The following ADGRD2 variants were observed in gnomAD, a reference collection of about 807,000 sequenced individuals.
ADGRD2 encodes adhesion G protein-coupled receptor D2.
Under a neutral mutation model 44.4 loss-of-function variants are expected in ADGRD2, and 71 were observed. That is an observed-to-expected ratio of 1.60 (90% CI 1.32 to 1.95). The LOEUF (loss-of-function observed/expected upper bound fraction) is 1.95. Ranked by LOEUF, ADGRD2 falls within the 30% of genes most tolerant of loss-of-function variation. The pLI is 0.00. For missense variants in ADGRD2, 1,039 were observed against 512.4 expected (o/e 2.03, Z -9.92); for synonymous variants, 481 against 224.8 (o/e 2.14, Z -10.19).
chr9:124,452,102 C>T (rs1831486230), exon 1 of ADGRD2: 1 of 704,790 alleles, frequency 1.4e-6, no homozygotes, highest in Non-Finnish European at 2.7e-6. Context: ...TCAGGAGTCT[C>T]TCTGGGACCC....
At chr9:124,475,741 G>A in intron 19 of ADGRD2, 126 bp downstream of exon 22, 1 of 553,388 alleles carries the variant, frequency 1.8e-6, no homozygotes, top group Non-Finnish European at 3.2e-6. Flanking sequence ...GAGGCCCCCA[G>A]GCCCCTGGGA....
At chr9:124,461,953 G>T (rs561143495) in intron 10 of ADGRD2, among the ~76,000 whole-genome samples, 1 of 152,140 alleles carries the variant, frequency 6.6e-6, no homozygotes, top group South Asian at 2.1e-4. Context: ...CACCATGTTG[G>T]CCAGGCTGGT....
chr9:124,475,378 G>A (rs942885255), intron 17 of ADGRD2, 68 bp from the exon 21 acceptor site: 2 of 677,506 alleles, frequency 3.0e-6, no homozygotes, highest in African/African-American at 1.8e-5. Flanking sequence ...GGGACCCCAG[G>A]CAAGGCCAGG....
intron 21 of ADGRD2, 97 bp downstream of exon 24, chr9:124,476,806 C>T (rs1302683288): frequency 1.5e-5 from 10 of 670,292 alleles, no homozygotes; most frequent in East Asian, 2.7e-5. Flanking sequence ...CAAATTAATA[C>T]GCCCAACCTC....
Position 124,453,550 on chromosome 9 carries a change from G to T in ADGRD2, c.799G>T (p.Ala267Ser), listed in dbSNP as rs149830619. Residue 267 changes from alanine to serine, a missense_variant, in exon 3 of 22, where the codon GCT (alanine) becomes TCT (serine). Coordinates refer to ENST00000334810, the Ensembl canonical transcript of ADGRD2. ...CCTGTGGGCGCGGGCGCTGAGCCCC[G>T]CTCAGCTGCACCGGGCACGGGCCTG... The T allele has an allele frequency of 1.3e-3, 923 of 697,126 alleles. 7 individuals are homozygous for T. Among genetic ancestry groups the T allele is most frequent in the African/African-American group, 0.013 (735 of 56,308 alleles). The allele number at this position is 697,126 out of a possible 1,614,324, so 43.2% of individuals were successfully genotyped here.
Position 124,457,617 on chromosome 9 carries a change from A to G in ADGRD2, c.1640+11A>G, listed in dbSNP as rs941962015. 4.8e-6 allele frequency: 3 copies of G among 623,312 alleles called. No individual in the cohort carries two copies. The highest frequency in any genetic ancestry group is 3.6e-5 in the African/African-American group (2 of 55,152). The allele number at this position is 623,312 out of a possible 1,614,324, so 38.6% of individuals were successfully genotyped here. A position where few individuals can be genotyped will look rare whatever the true frequency, so the allele number is the denominator to read the frequency against. ...GACTCCTCAGGAAAGGTGGGTGAGG[A>G]TGAGGGGGTGTCCAGAGCCCTGTTG... is the stretch of plus-strand genomic sequence containing the variant. On this transcript the variant is annotated intron_variant, in intron 8 of 21. Transcript: ENST00000334810.
At chr9:124,453,420 C>G in exon 3 of ADGRD2, 1 of 639,004 alleles carries the variant, frequency 1.6e-6, no homozygotes, top group Non-Finnish European at 2.8e-6. Context: ...GCGCCGGCCA[C>G]CCGGTGCCGT....
intron 13 of ADGRD2, 106 bp from the exon 17 acceptor site, chr9:124,468,413 C>G (rs1439975949): frequency 1.4e-6 from 1 of 703,974 alleles, no homozygotes; most frequent in African/African-American, 1.7e-5. Context: ...GCCTCACCCA[C>G]TGAGACTTCT....
intron 10 of ADGRD2, 39 bp from the exon 14 acceptor site, chr9:124,466,219 G>A (rs1046689768): frequency 1.8e-6 from 1 of 550,068 alleles, no homozygotes. Context: ...TCCCCTGCTT[G>A]CTTCTGGCCC....
Position 124,453,691 on chromosome 9 carries a change from G to GGGCCCCCAAACCATCCCTCCCCC in ADGRD2, c.923+15_923+16insGGCCCCCAAACCATCCCTCCCCC. 1 of 239,254 alleles carries GGGCCCCCAAACCATCCCTCCCCC rather than the reference G, an allele frequency of 4.2e-6. No homozygotes were observed. 14.8% of individuals were successfully genotyped at this position (239,254 alleles called of 1,614,324 possible). A position where few individuals can be genotyped will look rare whatever the true frequency, so the allele number is the denominator to read the frequency against. On this transcript the variant is annotated intron_variant, in intron 3 of 21. Transcript: ENST00000334810. ...TCTCTGTCCCGGTACGACCCGCCCC[G>GGGCCCCCAAACCATCCCTCCCCC]CCCCGGCCCCACCCCATGGCCCCGA...
At chr9:124,467,637 G>A (rs369811917) in intron 11 of ADGRD2, 84 bp from the exon 15 acceptor site, 28 of 697,372 alleles carry the variant, frequency 4.0e-5, no homozygotes, top group East Asian at 1.3e-4. Context: ...GGCGTGGGGG[G>A]CCTTAGAGTC....
In ADGRD2 at chr9:124,473,158, C is replaced by T. The variant is rs142368181; in HGVS notation, c.2759-2288C>T. 1.4e-3 allele frequency among the ~76,000 whole-genome samples: 209 copies of T among 152,356 alleles called. 2 individuals are homozygous for T. The highest frequency in any genetic ancestry group is 4.6e-3 in the African/African-American group (191 of 41,566). Reference sequence around the variant, plus strand: ...CCATCCCTGTCCCTCTCTCACTCTCCGTCAGTCTTGGGCATAAGCTAGGTA... The same window carrying T: ...CCATCCCTGTCCCTCTCTCACTCTCTGTCAGTCTTGGGCATAAGCTAGGTA... On this transcript the variant is annotated intron_variant, in intron 17 of 21. Coordinates refer to ENST00000334810, the Ensembl canonical transcript of ADGRD2.
At position 124,473,822 on chromosome 9, in the gene ADGRD2, C is replaced by G. The variant is rs1395011782; in HGVS notation, c.2759-1624C>G. The stretch of plus-strand genomic sequence containing the variant: ...GGAGAGGGTCACTCTCAGCCAAGAC[C>G]TGACGGCTGTATGGAGAGGCGGAAA... On this transcript the variant is annotated intron_variant, in intron 17 of 21. Coordinates refer to ENST00000334810, the Ensembl canonical transcript of ADGRD2. Among the ~76,000 whole-genome samples the G allele has an allele frequency of 2.6e-5, 4 of 151,840 alleles. No homozygotes were observed. The East Asian group carries it at 7.7e-4, about 29-fold the overall frequency.
In ADGRD2 at chr9:124,454,510, C is replaced by G; in HGVS notation, c.1051C>G (p.Gln351Glu). The change falls in exon 5 of 22, where the codon CAG (glutamine) becomes GAG (glutamate). Residue 351 changes from glutamine (Q) to glutamate (E), a missense_variant. By Grantham distance (29) the Gln-to-Glu change is conservative. Coordinates refer to ENST00000334810, the Ensembl canonical transcript of ADGRD2. The surrounding 1 kb of genome is among the most constrained non-coding windows in gnomAD (Gnocchi z 4.5). ...GCCCTATCGTCGGCTGCAGGATGCCCAGTCGTGGCCTGGCCAGGATGTTAT... is the reference window on the plus strand; with the variant it reads ...GCCCTATCGTCGGCTGCAGGATGCCGAGTCGTGGCCTGGCCAGGATGTTAT... 1 of 716,250 alleles carries G rather than the reference C, an allele frequency of 1.4e-6. No homozygotes were observed. Among genetic ancestry groups the G allele is most frequent in the South Asian group, 1.5e-5 (1 of 67,570 alleles). The allele number at this position is 716,250 out of a possible 1,614,324, so 44.4% of individuals were successfully genotyped here.
chr9:124,461,902 C>G (rs116699537), intron 10 of ADGRD2, among the ~76,000 whole-genome samples: 3,839 of 151,972 alleles, frequency 0.025, 138 homozygotes, highest in African/African-American at 0.081. Flanking sequence ...CATGCCATCA[C>G]GCCTCATCAA....
At chr9:124,467,492 T>C (rs1831846805) in intron 11 of ADGRD2, among the ~76,000 whole-genome samples, 1 of 152,154 alleles carries the variant, frequency 6.6e-6, no homozygotes, top group African/African-American at 2.4e-5. Flanking sequence ...GTCCAGTTGG[T>C]AGAATCCGGG....
intron 16 of ADGRD2, among the ~76,000 whole-genome samples, chr9:124,469,873 C>G (rs768119147): frequency 2.6e-5 from 4 of 152,134 alleles, no homozygotes; most frequent in Admixed American, 2.0e-4. Context: ...CTGCAGGAGA[C>G]AAAGTAGGGG....
chr9:124,469,584 A>G (rs1284386066), intron 16 of ADGRD2, 37 bp downstream of exon 19: 2 of 715,280 alleles, frequency 2.8e-6, no homozygotes, highest in East Asian at 5.4e-5. Context: ...AGGAAGCAGG[A>G]AGTGCACAGT....
chr9:124,457,627 G>A, intron 8 of ADGRD2, 21 bp downstream of exon 11: 1 of 604,050 alleles, frequency 1.7e-6, no homozygotes, highest in Non-Finnish European at 3.0e-6. Context: ...ATGAGGGGGT[G>A]TCCAGAGCCC....
Sources: allele counts gnomAD v4.1 joint callset (sites outside exome capture counted in the v4.1 genomes callset), GRCh38; gene constraint gnomAD v4.1.1; non-coding constraint Gnocchi (gnomAD v3.1); transcripts MANE v1.5; gene names NCBI Gene and HGNC (gene_info 2026-07-23, HGNC 2026-07-21).